Variants in SCN8A observed in about 807,000 individuals in gnomAD.
The protein encoded by SCN8A is sodium voltage-gated channel alpha subunit 8.
In SCN8A, 30 loss-of-function variants were observed where a neutral mutation model predicts 184.1. The observed-to-expected ratio is 0.16, with a 90% CI of 0.12 to 0.22. The LOEUF (loss-of-function observed/expected upper bound fraction) is 0.22. Among genes scored for constraint, SCN8A ranks in the 10% least tolerant of loss-of-function variants. The pLI is 1.00. For missense variants in SCN8A, 1,057 were observed against 2,498.9 expected (o/e 0.42, Z 12.30); for synonymous variants, 852 against 907.0 (o/e 0.94, Z 1.09).
chr12:51,709,232 C>G lies in SCN8A; in HGVS notation c.1635+2517C>G, dbSNP rs535056973. 2.0e-3 allele frequency among the ~76,000 whole-genome samples: 307 copies of G among 152,298 alleles called. 2 individuals are homozygous for G. Among genetic ancestry groups the G allele is most frequent in the African/African-American group, 6.7e-3 (277 of 41,566 alleles). On this transcript the variant is annotated intron_variant, in intron 11 of 26. Coordinates refer to ENST00000627620, the MANE Select transcript of SCN8A (RefSeq NM_001330260.2). ...GAATTATTTGTTGGATAACCAAGTA[C>G]AGATTTTTTTAGACAAGGATAGGCA...
chr12:51,734,215 T>C (rs930167021), intron 12 of SCN8A, among the ~76,000 whole-genome samples: 5 of 152,152 alleles, frequency 3.3e-5, no homozygotes, highest in African/African-American at 9.7e-5. Flanking sequence ...CCAGCTCGGT[T>C]GGGGAGACCC....
chr12:51,633,901 T>G (rs1371657177), intron 1 of SCN8A, among the ~76,000 whole-genome samples: 1 of 152,226 alleles, frequency 6.6e-6, no homozygotes, highest in African/African-American at 2.4e-5. Context: ...AGAAATCTTT[T>G]AAGGTCAAGT....
intron 16 of SCN8A, among the ~76,000 whole-genome samples, chr12:51,766,964 T>C (rs1942847642): frequency 6.6e-6 from 1 of 152,204 alleles, no homozygotes; most frequent in Admixed American, 6.5e-5. Flanking sequence ...TCCCTTAACA[T>C]GCTCATCCAC....
chr12:51,768,867 G>T lies in SCN8A; in HGVS notation c.2904G>T (p.Val968=), dbSNP rs1377701884. 2 of 1,556,788 alleles carry T rather than the reference G, an allele frequency of 1.3e-6. No individual in the cohort carries two copies. The highest frequency in any genetic ancestry group is 2.3e-5 in the East Asian group (1 of 44,294). ...MMVMVIGNLV[V]LNLFLALLLS... The stretch of plus-strand genomic sequence containing the variant: ...TTTTTCCAATGCTACTGGCATAGGT[G>T]CTGAACCTGTTTCTGGCCTTGCTCC... Residue 968 remains valine, a splice_region_variant and synonymous_variant, in exon 17 of 27, where the codon GTG becomes GTT. Transcript: ENST00000627620.
chr12:51,721,983 C>G (rs745904705), intron 12 of SCN8A, 75 bp downstream of exon 12: 8 of 1,597,678 alleles, frequency 5.0e-6, no homozygotes, highest in Non-Finnish European at 6.8e-6. Flanking sequence ...GCATGGCAGT[C>G]TCCCCCGCTC....
intron 1 of SCN8A, among the ~76,000 whole-genome samples, chr12:51,627,774 T>C (rs1940111856): frequency 6.6e-6 from 1 of 152,250 alleles, no homozygotes; most frequent in African/African-American, 2.4e-5. Flanking sequence ...TAATAATTTA[T>C]AGCTATAATT....
intron 1 of SCN8A, among the ~76,000 whole-genome samples, chr12:51,595,167 C>T (rs1297963180): frequency 1.3e-5 from 2 of 152,190 alleles, no homozygotes; most frequent in Non-Finnish European, 1.5e-5. Flanking sequence ...AGCTGGCGAG[C>T]ACCCGCTTAA....
At chr12:51,787,784 TG>T (rs1291493935) in intron 22 of SCN8A, among the ~76,000 whole-genome samples, 1 of 152,252 alleles carries the variant, frequency 6.6e-6, no homozygotes, top group African/African-American at 2.4e-5. Context: ...AAGCACTCAC[TG>T]TCAACTCATA....
At position 51,807,684 on chromosome 12, in the gene SCN8A, A is replaced by C; in HGVS notation, c.*255A>C. 1 of 529,166 alleles carries C rather than the reference A, an allele frequency of 1.9e-6. No individual in the cohort carries two copies. Among genetic ancestry groups the C allele is most frequent in the Non-Finnish European group, 3.4e-6 (1 of 296,548 alleles). 32.8% of individuals were successfully genotyped at this position (529,166 alleles called of 1,614,324 possible). The stretch of plus-strand genomic sequence containing the variant: ...GGTTACTGCATGTTCCACATCAGTC[A>C]ATGCAACTTAGGACAAAACTAACCA... On this transcript the variant is annotated 3_prime_UTR_variant, in exon 27 of 27. Coordinates refer to ENST00000627620, the MANE Select transcript of SCN8A (RefSeq NM_001330260.2). This position sits in a 1 kb window ranked among gnomAD's most constrained non-coding sequence, Gnocchi z 4.5.
At chr12:51,734,267 G>C (rs1388318967) in intron 12 of SCN8A, among the ~76,000 whole-genome samples, 1 of 152,148 alleles carries the variant, frequency 6.6e-6, no homozygotes, top group Non-Finnish European at 1.5e-5. Flanking sequence ...CACACACACA[G>C]AAATATAGAG....
chr12:51,807,901 C>G lies in SCN8A; in HGVS notation c.*472C>G, dbSNP rs1173879299. 5.5e-6 allele frequency: 1 copy of G among 181,802 alleles called. No homozygotes were observed. The highest frequency in any genetic ancestry group is 1.2e-5 in the Non-Finnish European group (1 of 84,708). 11.3% of individuals were successfully genotyped at this position (181,802 alleles called of 1,614,324 possible). On this transcript the variant is annotated 3_prime_UTR_variant, in exon 27 of 27. Transcript: ENST00000627620. This position sits in a 1 kb window ranked among gnomAD's most constrained non-coding sequence, Gnocchi z 4.5. ...CAAAAAGAAAACACACACACACACT[C>G]ACATTTAGCCCATGTCATTTAATTG... is the stretch of plus-strand genomic sequence containing the variant.
chr12:51,669,924 G>A (rs1413556690), intron 2 of SCN8A, among the ~76,000 whole-genome samples: 2 of 152,200 alleles, frequency 1.3e-5, no homozygotes, highest in Non-Finnish European at 2.9e-5. Flanking sequence ...GTGATTTGAA[G>A]TATTGCTAAT....
chr12:51,799,564 A>G (rs1938499496), intron 26 of SCN8A, among the ~76,000 whole-genome samples: 3 of 152,198 alleles, frequency 2.0e-5, no homozygotes, highest in African/African-American at 7.2e-5. Context: ...CAGCATCCCT[A>G]TCTGCCACTG....
intron 14 of SCN8A, among the ~76,000 whole-genome samples, chr12:51,759,220 A>AT (rs1555225143): frequency 3.3e-5 from 5 of 150,976 alleles, no homozygotes; most frequent in Non-Finnish European, 7.4e-5. Context: ...CATATTAAAA[A>AT]ATATATATAT....
chr12:51,723,847 T>TA (rs34404145), intron 12 of SCN8A, among the ~76,000 whole-genome samples: 20 of 149,060 alleles, frequency 1.3e-4, no homozygotes, highest in South Asian at 4.3e-4. Context: ...GACTCCATCT[T>TA]AAAAAAAAAA....
intron 12 of SCN8A, among the ~76,000 whole-genome samples, chr12:51,740,592 C>T (rs1259005878): frequency 6.6e-6 from 1 of 152,154 alleles, no homozygotes; most frequent in African/African-American, 2.4e-5. Flanking sequence ...TGAGAATAAT[C>T]CATGTGCTAA....
In SCN8A at chr12:51,780,637, G is replaced by C. The variant is rs769030197; in HGVS notation, c.3820-12G>C. 1 of 810,288 alleles carries C rather than the reference G, an allele frequency of 1.2e-6. No individual in the cohort carries two copies. 50.2% of individuals were successfully genotyped at this position (810,288 alleles called of 1,614,324 possible). ...TTTTTTGTTTTTGTTTTTCTCTTCT[G>C]TTTCTGTGTAGGTCTCTTTAGTCAG... On this transcript the variant is annotated splice_polypyrimidine_tract_variant and intron_variant, in intron 20 of 26. Coordinates refer to ENST00000627620, the MANE Select transcript of SCN8A (RefSeq NM_001330260.2).
At chr12:51,693,942 TA>T (rs533031524) in intron 6 of SCN8A, among the ~76,000 whole-genome samples, 95 of 152,330 alleles carry the variant, frequency 6.2e-4, no homozygotes, top group African/African-American at 2.2e-3. Flanking sequence ...TATACATATA[TA>T]TTTTTTGAGA....
At chr12:51,602,002 CT>C (rs1939477936) in intron 1 of SCN8A, among the ~76,000 whole-genome samples, 1 of 151,770 alleles carries the variant, frequency 6.6e-6, no homozygotes, top group South Asian at 2.1e-4. Flanking sequence ...CCATTAGCTC[CT>C]TATAGGCATT....
Sources: gnomAD v4.1 joint callset for allele counts (sites outside exome capture counted in the v4.1 genomes callset) on GRCh38, gnomAD v4.1.1 for gene constraint, Gnocchi (gnomAD v3.1) non-coding constraint, MANE v1.5 for transcripts, NCBI Gene and HGNC (gene_info 2026-07-23, HGNC 2026-07-21) for gene names.